KATNAL2: variants seen among roughly 807,000 people sequenced by gnomAD.
The protein encoded by KATNAL2 is katanin catalytic subunit A1 like 2, also known as katanin p60 ATPase-containing subunit A-like 2.
In KATNAL2, 52 loss-of-function variants were observed where a neutral mutation model predicts 76.3. That is an observed-to-expected ratio of 0.68 (90% confidence interval 0.55 to 0.86). The LOEUF is 0.86. Ranked by LOEUF, KATNAL2 falls within the 40% of genes least tolerant of loss-of-function variation. The pLI, the probability that KATNAL2 is intolerant of heterozygous loss-of-function variation, is 0.00. For synonymous variants in KATNAL2, 243 were observed against 244.2 expected (o/e 1.00, Z 0.05); for missense variants, 660 against 668.9 (o/e 0.99, Z 0.15).
At chr18:47,079,097 T>G (rs72903280) in intron 15 of KATNAL2, among the ~76,000 whole-genome samples, 1,765 of 152,306 alleles carry the variant, frequency 0.012, 20 homozygotes, top group Non-Finnish European at 0.019. Context: ...CTCAATTTAT[T>G]TCATCTATTC....
chr18:46,936,857 A>T (rs2059108425), intron 1 of KATNAL2, among the ~76,000 whole-genome samples: 1 of 152,172 alleles, frequency 6.6e-6, no homozygotes, highest in Admixed American at 6.5e-5. Context: ...CCGGAGGCTT[A>T]GGCAGGAGAT....
chr18:47,074,394 G>A (rs1162967128), intron 13 of KATNAL2, among the ~76,000 whole-genome samples: 1 of 152,158 alleles, frequency 6.6e-6, no homozygotes, highest in Admixed American at 6.5e-5. Flanking sequence ...TTCTGTGATG[G>A]TTTGCTAGTG....
chr18:47,064,976 C>G (rs916632032), intron 10 of KATNAL2, among the ~76,000 whole-genome samples: 3 of 152,064 alleles, frequency 2.0e-5, no homozygotes, highest in African/African-American at 7.2e-5. Context: ...CTTTTAATAC[C>G]TAGGTAAATG....
intron 15 of KATNAL2, among the ~76,000 whole-genome samples, chr18:47,078,850 A>C (rs1222411072): frequency 6.6e-6 from 1 of 152,232 alleles, no homozygotes; most frequent in East Asian, 1.9e-4. Context: ...AAATTGAATA[A>C]GCTTATAAGG....
At chr18:47,087,764 G>A (rs1002537459) in intron 15 of KATNAL2, among the ~76,000 whole-genome samples, 9 of 151,952 alleles carry the variant, frequency 5.9e-5, no homozygotes, top group Non-Finnish European at 7.4e-5. Flanking sequence ...GTGTGTGTGT[G>A]TGTGTGTGTG....
intron 1 of KATNAL2, among the ~76,000 whole-genome samples, chr18:46,936,098 A>C (rs1434015741): frequency 6.6e-6 from 1 of 152,206 alleles, no homozygotes; most frequent in African/African-American, 2.4e-5. Flanking sequence ...CACAATGAGA[A>C]ACAGACAAAA....
intron 13 of KATNAL2, among the ~76,000 whole-genome samples, chr18:47,073,346 T>A (rs1426418773): frequency 6.6e-6 from 1 of 152,228 alleles, no homozygotes; most frequent in East Asian, 1.9e-4. Flanking sequence ...GTGATGTGCA[T>A]TTTTATTTTG....
At chr18:47,089,874 C>T (rs1291851764) in intron 15 of KATNAL2, among the ~76,000 whole-genome samples, 2 of 152,056 alleles carry the variant, frequency 1.3e-5, no homozygotes, top group East Asian at 3.9e-4. Flanking sequence ...TAGCCCTGCA[C>T]CTAAAGGTCA....
At chr18:47,082,877 T>A (rs758220470) in intron 15 of KATNAL2, among the ~76,000 whole-genome samples, 2 of 152,148 alleles carry the variant, frequency 1.3e-5, no homozygotes, top group African/African-American at 4.8e-5. Context: ...CCCGCAGAGG[T>A]TGTACCACTT....
At chr18:47,088,153 C>G (rs560933696) in intron 15 of KATNAL2, among the ~76,000 whole-genome samples, 30 of 152,268 alleles carry the variant, frequency 2.0e-4, no homozygotes, top group Admixed American at 8.5e-4. Flanking sequence ...CTTTGGCTAG[C>G]GAGAGCAGGC....
chr18:46,940,273 C>T (rs1402096720), intron 1 of KATNAL2, among the ~76,000 whole-genome samples: 1 of 152,134 alleles, frequency 6.6e-6, no homozygotes, highest in African/African-American at 2.4e-5. Flanking sequence ...CATTGTGATA[C>T]CATTCAGGGT....
chr18:47,038,028 C>T (rs923145582), intron 3 of KATNAL2, among the ~76,000 whole-genome samples: 6 of 152,078 alleles, frequency 3.9e-5, no homozygotes, highest in Admixed American at 3.3e-4. Context: ...AGACAGAGTT[C>T]TAAAGGACTC....
intron 1 of KATNAL2, among the ~76,000 whole-genome samples, chr18:46,920,466 A>G (rs556963499): frequency 6.6e-6 from 1 of 152,150 alleles, no homozygotes; most frequent in Non-Finnish European, 1.5e-5. Context: ...AAATCTCAGC[A>G]TTGACTTTGA....
At chr18:46,941,436 C>G (rs1043811271) in intron 1 of KATNAL2, among the ~76,000 whole-genome samples, 2 of 152,026 alleles carry the variant, frequency 1.3e-5, no homozygotes, top group Non-Finnish European at 2.9e-5. Flanking sequence ...TTGGTTTTCT[C>G]CAACTAAAAT....
chr18:46,932,760 T>C (rs2058971116), intron 1 of KATNAL2, among the ~76,000 whole-genome samples: 1 of 151,942 alleles, frequency 6.6e-6, no homozygotes. Context: ...CAAAGGTAGT[T>C]TTTTTGTTTG....
intron 10 of KATNAL2, among the ~76,000 whole-genome samples, chr18:47,066,807 C>A (rs2061807459): frequency 7.9e-6 from 1 of 127,344 alleles, no homozygotes; most frequent in African/African-American, 2.9e-5. Context: ...CATGGCATAC[C>A]TTTGGTGAAC....
chr18:47,087,846 T>C (rs1458993432), intron 15 of KATNAL2, among the ~76,000 whole-genome samples: 1 of 152,160 alleles, frequency 6.6e-6, no homozygotes, highest in Non-Finnish European at 1.5e-5. Flanking sequence ...ATTTGTTCTA[T>C]GGCCTGTTTT....
chr18:46,943,455 C>A (rs1390520875), intron 1 of KATNAL2, among the ~76,000 whole-genome samples: 1 of 152,134 alleles, frequency 6.6e-6, no homozygotes, highest in African/African-American at 2.4e-5. Flanking sequence ...CAAAATCCAC[C>A]AAAACCAAGA....
In KATNAL2 at chr18:47,033,080, T is replaced by C. The variant is rs1285961325; in HGVS notation, c.52-13377T>C. The C allele has an allele frequency of 9.3e-6, 15 of 1,614,030 alleles. No homozygotes were observed. In the East Asian group the frequency reaches 1.8e-4, roughly 19 times the overall value. The stretch of plus-strand genomic sequence containing the variant: ...GGGGCCACTTTCTTGGCAGCCTGTT[T>C]CCGGGTTTTGGCCGCGGGCGCCGCG... On this transcript the variant is annotated intron_variant, in intron 3 of 17. Transcript: ENST00000683218.
Sources: gnomAD v4.1 joint callset for allele counts (sites outside exome capture counted in the v4.1 genomes callset) on GRCh38, gnomAD v4.1.1 for gene constraint, MANE v1.5 for transcripts, NCBI Gene and HGNC (gene_info 2026-07-23, HGNC 2026-07-21) for gene names.